VWA5B2: variants seen among roughly 807,000 people sequenced by gnomAD.
VWA5B2 encodes von Willebrand factor A domain-containing protein 5B2.
In VWA5B2, 93 loss-of-function variants were observed where a neutral mutation model predicts 118.5. That is an observed-to-expected ratio of 0.79 (90% CI 0.66 to 0.93). The LOEUF (loss-of-function observed/expected upper bound fraction) is 0.93. Ranked by LOEUF, VWA5B2 falls within the 40% of genes least tolerant of loss-of-function variation. The probability of loss-of-function intolerance (pLI) is 0.00; values close to 1 mark genes in which losing one functional copy is unlikely to be tolerated. For missense variants in VWA5B2, 1,546 were observed against 1,672.8 expected (o/e 0.92, Z 1.32); for synonymous variants, 708 against 716.3 (o/e 0.99, Z 0.19).
In VWA5B2 at chr3:184,235,336, C is replaced by T. The variant is rs542055716; in HGVS notation, c.1101+28C>T. 12 of 1,544,338 alleles carry T rather than the reference C, an allele frequency of 7.8e-6. No individual in the cohort carries two copies. In the East Asian group the frequency reaches 2.5e-4, roughly 32 times the overall value. ...CCGTGGGGGTGTGGTGTGGGCAGGCCTGGGGGTTGGGTGGGGCAGTGGGTC... is the reference window on the plus strand; with the variant it reads ...CCGTGGGGGTGTGGTGTGGGCAGGCTTGGGGGTTGGGTGGGGCAGTGGGTC... On this transcript the variant is annotated intron_variant, in intron 8 of 19. Coordinates refer to ENST00000691901, the MANE Select transcript of VWA5B2 (RefSeq NM_001390846.1).
At position 184,239,810 on chromosome 3, in the gene VWA5B2, C is replaced by G; in HGVS notation, c.2514C>G (p.Arg838=). 6.5e-7 allele frequency: 1 copy of G among 1,548,354 alleles called. No homozygotes were observed. The highest frequency in any genetic ancestry group is 1.4e-5 in the African/African-American group (1 of 73,102). The part of the protein sequence containing the change: ...APPAVPPQAP[R]CHVVIRGLCG... Reference sequence around the variant, plus strand: ...CAGCAGTGCCTCCCCAGGCTCCACGCTGCCATGTGGTGATCCGGGGCCTGT... The same window carrying G: ...CAGCAGTGCCTCCCCAGGCTCCACGGTGCCATGTGGTGATCCGGGGCCTGT... Residue 838 remains arginine, a synonymous_variant, in exon 16 of 20, where the codon CGC becomes CGG. Transcript: ENST00000691901. This position sits in a 1 kb window ranked among gnomAD's most constrained non-coding sequence, Gnocchi z 5.1.
chr3:184,234,566 G>A (rs1452166841), intron 6 of VWA5B2, 65 bp from the exon 7 acceptor site: 27 of 1,536,098 alleles, frequency 1.8e-5, no homozygotes, highest in Non-Finnish European at 2.3e-5. Context: ...CCTGGACAGT[G>A]AAACTGGGCA....
rs1345575192 is a variant in VWA5B2, at chr3:184,230,645, C to CCCGCAG, written c.127_132dup (p.Gln43_Pro44dup). On this transcript the variant is annotated inframe_insertion, in exon 2 of 20. Coordinates refer to ENST00000691901, the MANE Select transcript of VWA5B2 (RefSeq NM_001390846.1). The stretch of plus-strand genomic sequence containing the variant: ...TGCGGGCCCGGCTCACCTACCGCAA[C>CCCGCAG]CCGCAGCCGCAGCCGGTGGACGGTG... 3 of 1,340,220 alleles carry CCCGCAG rather than the reference C, an allele frequency of 2.2e-6. No individual in the cohort carries two copies. The highest frequency in any genetic ancestry group is 2.9e-6 in the Non-Finnish European group (3 of 1,048,800). The allele number at this position is 1,340,220 out of a possible 1,614,324, so 83.0% of individuals were successfully genotyped here.
Position 184,241,174 on chromosome 3 carries a change from A to ATCCCCAC in VWA5B2, c.2963-11_2963-5dup, listed in dbSNP as rs1323654504. On this transcript the variant is annotated splice_polypyrimidine_tract_variant and intron_variant, in intron 18 of 19. Coordinates refer to ENST00000691901, the MANE Select transcript of VWA5B2 (RefSeq NM_001390846.1). The surrounding 1 kb of genome is among the most constrained non-coding windows in gnomAD (Gnocchi z 5.1). ...TAGAGACCGCCCCCTGGCACTGATG[A>ATCCCCAC]TCCCCACTGCAGGACTTCAGAGAGG... is the stretch of plus-strand genomic sequence containing the variant. 6.4e-7 allele frequency: 1 copy of ATCCCCAC among 1,551,034 alleles called. No homozygotes were observed. Among genetic ancestry groups the ATCCCCAC allele is most frequent in the Non-Finnish European group, 8.7e-7 (1 of 1,146,604 alleles).
chr3:184,241,192 C>G lies in VWA5B2; in HGVS notation c.2968C>G (p.Gln990Glu). The G allele has an allele frequency of 6.4e-7, 1 of 1,550,612 alleles. No individual in the cohort carries two copies. The highest frequency in any genetic ancestry group is 1.2e-5 in the South Asian group (1 of 83,966). ...ACTGATGATCCCCACTGCAGGACTTCAGAGAGGCTCTCCAGCAGGCGCCTG... is the reference window on the plus strand; with the variant it reads ...ACTGATGATCCCCACTGCAGGACTTGAGAGAGGCTCTCCAGCAGGCGCCTG... ...LPTVVYSKGLQRGSPAGAWDS... is the reference protein window; with the variant it reads ...LPTVVYSKGLERGSPAGAWDS... Residue 990 changes from glutamine (Q) to glutamate (E), a missense_variant, in exon 19 of 20, where the codon CAG becomes GAG. Transcript: ENST00000691901. The surrounding 1 kb of genome is among the most constrained non-coding windows in gnomAD (Gnocchi z 5.1).
chr3:184,240,300 C>A, intron 16 of VWA5B2: 1 of 416,052 alleles, frequency 2.4e-6, no homozygotes, highest in South Asian at 5.9e-5. Context: ...AGCTTCCTAG[C>A]AGCCAGCACA....
chr3:184,238,261 C>T lies in VWA5B2; in HGVS notation c.1720-42C>T. The stretch of plus-strand genomic sequence containing the variant: ...TAAAAATGTTTGGAAAGAGGTAGCA[C>T]ATAACTGCAGTTAATTTTTTTCCCA... On this transcript the variant is annotated intron_variant, in intron 12 of 19. Coordinates refer to ENST00000691901, the MANE Select transcript of VWA5B2 (RefSeq NM_001390846.1). The surrounding 1 kb of genome is among the most constrained non-coding windows in gnomAD (Gnocchi z 5.0). 1 of 1,444,458 alleles carries T rather than the reference C, an allele frequency of 6.9e-7. No homozygotes were observed. Among genetic ancestry groups the T allele is most frequent in the Non-Finnish European group, 9.2e-7 (1 of 1,090,310 alleles). The allele number at this position is 1,444,458 out of a possible 1,614,324, so 89.5% of individuals were successfully genotyped here. A position where few individuals can be genotyped will look rare whatever the true frequency, so the allele number is the denominator to read the frequency against.
chr3:184,239,838 G>T lies in VWA5B2; in HGVS notation c.2542G>T (p.Gly848Trp), dbSNP rs868615552. Residue 848 changes from glycine (G) to tryptophan (W), a missense_variant, in exon 16 of 20, where the codon GGG becomes TGG. Gly to Trp is a radical substitution (Grantham distance 184). Coordinates refer to ENST00000691901, the MANE Select transcript of VWA5B2 (RefSeq NM_001390846.1). The surrounding 1 kb of genome is among the most constrained non-coding windows in gnomAD (Gnocchi z 5.1). Reference sequence around the variant, plus strand: ...CCATGTGGTGATCCGGGGCCTGTGTGGGGAGCAGCCCATGTGCTGGGAGGT... The same window carrying T: ...CCATGTGGTGATCCGGGGCCTGTGTTGGGAGCAGCCCATGTGCTGGGAGGT... ...RCHVVIRGLC[G>W]EQPMCWEVGV... 6 of 1,551,568 alleles carry T rather than the reference G, an allele frequency of 3.9e-6. No individual in the cohort carries two copies. In the East Asian group the frequency reaches 1.2e-4, roughly 32 times the overall value.
intron 3 of VWA5B2, 24 bp downstream of exon 3, chr3:184,230,941 G>A (rs1044495083): frequency 3.5e-5 from 42 of 1,210,238 alleles, no homozygotes; most frequent in Non-Finnish European, 4.3e-5. Context: ...GCCCGCACCC[G>A]CGCTCCTGAA....
At chr3:184,240,456 C>T (rs1718461470) in intron 16 of VWA5B2, 1 of 403,528 alleles carries the variant, frequency 2.5e-6, no homozygotes, top group Non-Finnish European at 4.5e-6. Context: ...TAGTGGCTAC[C>T]ACATTGGATC....
At position 184,239,288 on chromosome 3, in the gene VWA5B2, G is replaced by A. The variant is rs531904931; in HGVS notation, c.2203-106G>A. 1.1e-5 allele frequency: 14 copies of A among 1,283,174 alleles called. No homozygotes were observed. Among genetic ancestry groups the A allele is most frequent in the East Asian group, 5.5e-5 (2 of 36,396 alleles). The allele number at this position is 1,283,174 out of a possible 1,614,324, so 79.5% of individuals were successfully genotyped here. A position where few individuals can be genotyped will look rare whatever the true frequency, so the allele number is the denominator to read the frequency against. On this transcript the variant is annotated intron_variant, in intron 14 of 19. Transcript: ENST00000691901. The surrounding 1 kb of genome is among the most constrained non-coding windows in gnomAD (Gnocchi z 5.1). Reference sequence around the variant, plus strand: ...GGCCTTCCTCCTCAAGCTGGTGAGCGGCCACCCAGGGTTTCAGAAAAGGGG... The same window carrying A: ...GGCCTTCCTCCTCAAGCTGGTGAGCAGCCACCCAGGGTTTCAGAAAAGGGG...
rs1385423297 is a variant in VWA5B2 at position 184,230,522 on chromosome 3, C to A, written c.-7C>A. On this transcript the variant is annotated 5_prime_UTR_variant, in exon 2 of 20. Coordinates refer to ENST00000691901, the MANE Select transcript of VWA5B2 (RefSeq NM_001390846.1). ...GCCCGTTCCCGCAGGGCCGGCCTCC[C>A]GGCGCCATGCCCGGCCTGTACTGCC... 3.4e-6 allele frequency: 5 copies of A among 1,461,484 alleles called. No homozygotes were observed. The highest frequency in any genetic ancestry group is 4.5e-6 in the Non-Finnish European group (5 of 1,115,340). 90.5% of individuals were successfully genotyped at this position (1,461,484 alleles called of 1,614,324 possible). A position where few individuals can be genotyped will look rare whatever the true frequency, so the allele number is the denominator to read the frequency against.
At position 184,241,461 on chromosome 3, in the gene VWA5B2, G is replaced by A. The variant is rs759636007; in HGVS notation, c.3181-29G>A. On this transcript the variant is annotated intron_variant, in intron 19 of 19. Coordinates refer to ENST00000691901, the MANE Select transcript of VWA5B2 (RefSeq NM_001390846.1). This position sits in a 1 kb window ranked among gnomAD's most constrained non-coding sequence, Gnocchi z 5.1. ...CCGGGGCCGGGCGCTGTTTCAGCTC[G>A]CTTCTCCCCCCACCTCCTCTCTCCT... The A allele has an allele frequency of 6.4e-7, 1 of 1,555,010 alleles. No individual in the cohort carries two copies. Among genetic ancestry groups the A allele is most frequent in the East Asian group, 2.4e-5 (1 of 41,534 alleles).
chr3:184,233,904 C>G lies in VWA5B2; in HGVS notation c.688+171C>G, dbSNP rs376005433. Among the ~76,000 whole-genome samples, 23 of 152,294 alleles carry G rather than the reference C, an allele frequency of 1.5e-4. No individual in the cohort carries two copies. The highest frequency in any genetic ancestry group is 5.8e-4 in the East Asian group (3 of 5,188). ...GGGAGCATCCCCTGGTCACCTCTAC[C>G]CAACACACACACCCCAATTTTATCA... On this transcript the variant is annotated intron_variant, in intron 5 of 19. Transcript: ENST00000691901. This position sits in a 1 kb window ranked among gnomAD's most constrained non-coding sequence, Gnocchi z 5.2.
chr3:184,236,920 G>A (rs995754625), intron 11 of VWA5B2, among the ~76,000 whole-genome samples, 171 bp downstream of exon 11: 2 of 152,208 alleles, frequency 1.3e-5, no homozygotes, highest in African/African-American at 4.8e-5. Context: ...GGCCAAAGGT[G>A]TCAGGACACT....
At position 184,241,966 on chromosome 3, in the gene VWA5B2, C is replaced by G. The variant is rs1423602525; in HGVS notation, c.3657C>G (p.Leu1219=). 12 of 1,550,064 alleles carry G rather than the reference C, an allele frequency of 7.7e-6. No homozygotes were observed. The highest frequency in any genetic ancestry group is 9.6e-6 in the Non-Finnish European group (11 of 1,146,914). ...CCCTCAAGGCCGCAGCCCGAGGGCT[C>G]TTCCTGCTACTGCGCCACTGGGACC... The part of the protein sequence containing the change: ...LAALKAAARG[L]FLLLRHWDQN... The change falls in exon 20 of 20, where the codon CTC becomes CTG. Residue 1219 remains leucine, a synonymous_variant. Coordinates refer to ENST00000691901, the MANE Select transcript of VWA5B2 (RefSeq NM_001390846.1). The surrounding 1 kb of genome is among the most constrained non-coding windows in gnomAD (Gnocchi z 5.1).
Position 184,242,268 on chromosome 3 carries a change from A to G in VWA5B2, c.*230A>G, listed in dbSNP as rs1226005139. ...CCCTCCATCCTCTGAGCTCCCTGCA[A>G]CACAGTGGAAGGGTAGAGAGCCACA... On this transcript the variant is annotated 3_prime_UTR_variant, in exon 20 of 20. Coordinates refer to ENST00000691901, the MANE Select transcript of VWA5B2 (RefSeq NM_001390846.1). 14 of 738,360 alleles carry G rather than the reference A, an allele frequency of 1.9e-5. No individual in the cohort carries two copies. The highest frequency in any genetic ancestry group is 3.2e-5 in the Non-Finnish European group (14 of 437,554). 45.7% of individuals were successfully genotyped at this position (738,360 alleles called of 1,614,324 possible).
rs1481921446 is a variant in VWA5B2 at position 184,238,347 on chromosome 3, A to C, written c.1764A>C (p.Pro588=). Residue 588 remains proline, a synonymous_variant, in exon 13 of 20, where the codon CCA becomes CCC. Transcript: ENST00000691901. The surrounding 1 kb of genome is among the most constrained non-coding windows in gnomAD (Gnocchi z 5.0). ...GWQSSGGSVF[P]SPEEAPSAAS... ...AGAGCTCGGGTGGGTCCGTGTTTCC[A>C]TCCCCAGAAGAGGCCCCGTCTGCTG... The C allele has an allele frequency of 6.5e-7, 1 of 1,548,372 alleles. No homozygotes were observed.
At position 184,239,365 on chromosome 3, in the gene VWA5B2, G is replaced by T; in HGVS notation, c.2203-29G>T. The T allele has an allele frequency of 6.6e-7, 1 of 1,506,452 alleles. No individual in the cohort carries two copies. Among genetic ancestry groups the T allele is most frequent in the South Asian group, 1.3e-5 (1 of 79,508 alleles). 93.3% of individuals were successfully genotyped at this position (1,506,452 alleles called of 1,614,324 possible). A position where few individuals can be genotyped will look rare whatever the true frequency, so the allele number is the denominator to read the frequency against. ...GATGGTCAAGGGTTCTGCATTCCTT[G>T]ACCAGTGGCCCCCATATCTCACATG... is the stretch of plus-strand genomic sequence containing the variant. On this transcript the variant is annotated intron_variant, in intron 14 of 19. Transcript: ENST00000691901. This position sits in a 1 kb window ranked among gnomAD's most constrained non-coding sequence, Gnocchi z 5.1.
Sources: allele counts gnomAD v4.1 joint callset (sites outside exome capture counted in the v4.1 genomes callset), GRCh38; gene constraint gnomAD v4.1.1; non-coding constraint Gnocchi (gnomAD v3.1); transcripts MANE v1.5; gene names NCBI Gene and HGNC (gene_info 2026-07-23, HGNC 2026-07-21).